Variants in FSTL4 observed in about 807,000 individuals in gnomAD.
FSTL4 encodes follistatin-related protein 4.
A neutral mutation model predicts 78.2 loss-of-function variants in FSTL4; 28 were observed. That is an observed-to-expected ratio of 0.36 (90% CI 0.27 to 0.49). FSTL4 has a LOEUF of 0.49. FSTL4 is among the 20% of genes least tolerant of loss of function. FSTL4 has a pLI of 0.98. For synonymous variants in FSTL4, 422 were observed against 440.5 expected, an observed-to-expected ratio of 0.96 and a Z score of 0.53; for missense variants, 922 against 1,084.9, an observed-to-expected ratio of 0.85 and a Z score of 2.11.
At chr5:133,688,559 T>G in the FSTL4 span, among the ~76,000 whole-genome samples, 1 of 152,250 alleles carries the variant, frequency 6.6e-6, no homozygotes, top group Non-Finnish European at 1.5e-5. Flanking sequence ...TGACTCAGCC[T>G]CGAAACAGTC....
intron 7 of FSTL4, among the ~76,000 whole-genome samples, chr5:133,240,316 A>G (rs1751810834): frequency 6.6e-6 from 1 of 152,208 alleles, no homozygotes. Context: ...CGGACTTGCC[A>G]TCCTGCAAAG....
chr5:133,356,999 C>G (rs1754956878), intron 4 of FSTL4, among the ~76,000 whole-genome samples: 1 of 152,194 alleles, frequency 6.6e-6, no homozygotes, highest in Admixed American at 6.5e-5. Context: ...GGGCCCAGCA[C>G]CCAACTAAAG....
the FSTL4 span, among the ~76,000 whole-genome samples, chr5:133,632,272 G>T: frequency 6.6e-6 from 1 of 151,974 alleles, no homozygotes; most frequent in African/African-American, 2.4e-5. Flanking sequence ...TAATATAAGG[G>T]TCTTAAATAT....
intron 4 of FSTL4, among the ~76,000 whole-genome samples, chr5:133,319,216 G>A (rs1753985970): frequency 1.3e-5 from 2 of 152,234 alleles, no homozygotes; most frequent in Admixed American, 6.5e-5. Flanking sequence ...GGTCAGGAAG[G>A]TATGTGCAGG....
the FSTL4 span, among the ~76,000 whole-genome samples, chr5:133,813,709 A>G: frequency 6.6e-6 from 1 of 152,216 alleles, no homozygotes; most frequent in Non-Finnish European, 1.5e-5. Flanking sequence ...CTGCATGTGT[A>G]AATAATGGGC....
At chr5:133,606,491 GCAGAGCCACTTTC>G (rs1307048317) in intron 1 of FSTL4, among the ~76,000 whole-genome samples, 24 of 152,158 alleles carry the variant, frequency 1.6e-4, no homozygotes, top group African/African-American at 4.8e-4. Context: ...TCTTCTGAAT[GCAGAGCCACTTTC>G]CAGAGACTGC....
chr5:133,225,605 A>T lies in FSTL4; in HGVS notation c.1177+53T>A. On this transcript the variant is annotated intron_variant, in intron 9 of 15. Coordinates refer to ENST00000265342, the MANE Select transcript of FSTL4 (RefSeq NM_015082.2). This position sits in a 1 kb window ranked among gnomAD's most constrained non-coding sequence, Gnocchi z 4.6. ...CTCTCGTTTCCATTCCTGGAGTCTC[A>T]GCTTGATTTGAATGGGAATATCGCA... is the stretch of plus-strand genomic sequence containing the variant. The T allele has an allele frequency of 6.9e-7, 1 of 1,449,432 alleles. No homozygotes were observed. The allele number at this position is 1,449,432 out of a possible 1,614,324, so 89.8% of individuals were successfully genotyped here.
At chr5:133,564,474 A>G (rs1328823721) in intron 3 of FSTL4, among the ~76,000 whole-genome samples, 1 of 152,218 alleles carries the variant, frequency 6.6e-6, no homozygotes, top group Non-Finnish European at 1.5e-5. Context: ...AACACCCACA[A>G]AGCAAATGTG....
At chr5:133,650,208 C>A in the FSTL4 span, among the ~76,000 whole-genome samples, 1 of 151,486 alleles carries the variant, frequency 6.6e-6, no homozygotes, top group Non-Finnish European at 1.5e-5. Flanking sequence ...GATTCACCCC[C>A]ATGACCCAAA....
In FSTL4 at chr5:133,221,891, GTTTTTTTTTTTTTTTTTTT is replaced by G. The variant is rs59400068; in HGVS notation, c.1340-1044_1340-1026del. ...AATATGTAGAAAAATCTCTTTTCTA[GTTTTTTTTTTTTTTTTTTT>G]TTTTTTTTTTTTTTTTTAGCATGCT... On this transcript the variant is annotated intron_variant, in intron 11 of 15. Coordinates refer to ENST00000265342, the MANE Select transcript of FSTL4 (RefSeq NM_015082.2). Among the ~76,000 whole-genome samples, 170 of 43,358 alleles carry G rather than the reference GTTTTTTTTTTTTTTTTTTT, an allele frequency of 3.9e-3. 2 individuals carry two copies. Among genetic ancestry groups the G allele is most frequent in the African/African-American group, 8.2e-3 (154 of 18,824 alleles). The allele number at this position is 43,358 out of a possible 152,430, so 28.4% of individuals were successfully genotyped here. A position where few individuals can be genotyped will look rare whatever the true frequency, so the allele number is the denominator to read the frequency against.
intron 7 of FSTL4, among the ~76,000 whole-genome samples, chr5:133,245,619 G>A (rs181352000): frequency 4.6e-4 from 70 of 152,282 alleles, no homozygotes; most frequent in African/African-American, 1.5e-3. Context: ...TGGAGGCTGC[G>A]GACAGTGTCT....
At chr5:133,217,098 C>T in intron 13 of FSTL4, 131 bp downstream of exon 13, 1 of 672,312 alleles carries the variant, frequency 1.5e-6, no homozygotes, top group East Asian at 2.6e-5. Context: ...CGAATAATTA[C>T]ACATGAATCT....
At chr5:133,207,205 G>A (rs568119301) in intron 14 of FSTL4, among the ~76,000 whole-genome samples, 3 of 152,116 alleles carry the variant, frequency 2.0e-5, no homozygotes, top group Non-Finnish European at 4.4e-5. Context: ...TTGTCTCTTC[G>A]TATATTTTAA....
the FSTL4 span, among the ~76,000 whole-genome samples, chr5:133,831,728 G>A: frequency 6.6e-6 from 1 of 152,212 alleles, no homozygotes; most frequent in Non-Finnish European, 1.5e-5. Context: ...AAGAAGTGTG[G>A]TTTGCAAAAG....
chr5:133,597,269 G>A (rs1760756800), intron 2 of FSTL4, among the ~76,000 whole-genome samples: 2 of 152,216 alleles, frequency 1.3e-5, no homozygotes, highest in African/African-American at 4.8e-5. Context: ...GTTAGAGCCT[G>A]CCTGACACAA....
At chr5:133,795,686 G>T in the FSTL4 span, among the ~76,000 whole-genome samples, 1 of 152,214 alleles carries the variant, frequency 6.6e-6, no homozygotes, top group South Asian at 2.1e-4. Flanking sequence ...AGACTCTACC[G>T]CCATAAGGCC....
At chr5:133,676,251 C>T in the FSTL4 span, among the ~76,000 whole-genome samples, 2 of 152,164 alleles carry the variant, frequency 1.3e-5, no homozygotes, top group Admixed American at 6.5e-5. Context: ...GAAAAATAAA[C>T]GAGGTCTACA....
intron 3 of FSTL4, among the ~76,000 whole-genome samples, chr5:133,425,640 T>C (rs1756795562): frequency 1.3e-5 from 2 of 152,376 alleles, no homozygotes; most frequent in East Asian, 1.9e-4. Flanking sequence ...ATAGCCCTTC[T>C]GGGTTCCTCT....
At chr5:133,550,088 A>G (rs1212768561) in intron 3 of FSTL4, among the ~76,000 whole-genome samples, 1 of 152,160 alleles carries the variant, frequency 6.6e-6, no homozygotes, top group Non-Finnish European at 1.5e-5. Context: ...TCTCAAAGCA[A>G]AAGTCTGCTT....
Sources: gnomAD v4.1 joint callset for allele counts (sites outside exome capture counted in the v4.1 genomes callset) on GRCh38, gnomAD v4.1.1 for gene constraint, Gnocchi (gnomAD v3.1) non-coding constraint, MANE v1.5 for transcripts, NCBI Gene and HGNC (gene_info 2026-07-23, HGNC 2026-07-21) for gene names.